Variants in SPATA16 observed in about 807,000 individuals in gnomAD.
SPATA16 encodes the protein spermatogenesis-associated protein 16.
A neutral mutation model predicts 63.3 loss-of-function variants in SPATA16; 36 were observed. The ratio of observed to expected loss-of-function variants is 0.57; its 90% CI spans 0.44 to 0.75. SPATA16 has a LOEUF of 0.75. SPATA16 is among the 30% of genes least tolerant of loss of function. The probability of loss-of-function intolerance (pLI) is 0.00; values close to 1 mark genes in which losing one functional copy is unlikely to be tolerated. For missense variants in SPATA16, 646 were observed against 679.3 expected (o/e 0.95, Z 0.54); for synonymous variants, 203 against 216.7 (o/e 0.94, Z 0.56).
chr3:173,080,172 C>T (rs577583740), intron 2 of SPATA16, among the ~76,000 whole-genome samples: 2 of 152,214 alleles, frequency 1.3e-5, no homozygotes, highest in African/African-American at 2.4e-5. Flanking sequence ...AGAACACACC[C>T]CTTGTATTTT....
chr3:172,935,703 G>C (rs1317867163), intron 6 of SPATA16, among the ~76,000 whole-genome samples: 1 of 152,160 alleles, frequency 6.6e-6, no homozygotes, highest in African/African-American at 2.4e-5. Flanking sequence ...TCAGTAAAAT[G>C]ATAGAGATAA....
At chr3:172,993,970 C>T (rs938242597) in intron 4 of SPATA16, among the ~76,000 whole-genome samples, 1 of 152,170 alleles carries the variant, frequency 6.6e-6, no homozygotes, top group Admixed American at 6.5e-5. Flanking sequence ...GTTAATAAGG[C>T]TTAGGGAAAT....
intron 1 of SPATA16, among the ~76,000 whole-genome samples, chr3:173,135,672 G>T (rs1048647107): frequency 6.6e-6 from 1 of 152,172 alleles, no homozygotes; most frequent in Non-Finnish European, 1.5e-5. Context: ...TGGAGTGAAA[G>T]AAGCCAGATA....
chr3:172,983,343 C>G (rs1229960577), intron 4 of SPATA16, among the ~76,000 whole-genome samples: 1 of 141,026 alleles, frequency 7.1e-6, no homozygotes, highest in Admixed American at 6.8e-5. Flanking sequence ...TTTTTTTTTG[C>G]CATGAGTCAG....
chr3:173,122,511 TA>T (rs1163998211), intron 1 of SPATA16, among the ~76,000 whole-genome samples: 69 of 145,976 alleles, frequency 4.7e-4, no homozygotes, highest in Admixed American at 7.5e-4. Context: ...TTTCTTTCTT[TA>T]AAAAAAAAAA....
At chr3:172,964,990 G>A (rs73043026) in intron 5 of SPATA16, among the ~76,000 whole-genome samples, 18 of 152,296 alleles carry the variant, frequency 1.2e-4, no homozygotes, top group African/African-American at 3.6e-4. Flanking sequence ...AGGTAGCAAC[G>A]TGTTCTCAGA....
At chr3:172,900,057 TC>T (rs200978815) in intron 10 of SPATA16, among the ~76,000 whole-genome samples, 14,299 of 152,206 alleles carry the variant, frequency 0.094, 743 homozygotes, top group African/African-American at 0.13. Context: ...TATTTCTAGG[TC>T]TTTCTTTTGA....
chr3:173,033,877 G>GT (rs1158094364), intron 3 of SPATA16, among the ~76,000 whole-genome samples: 1 of 151,908 alleles, frequency 6.6e-6, no homozygotes, highest in Admixed American at 6.6e-5. Flanking sequence ...GCTAATTTTT[G>GT]TATTTTTAGT....
intron 4 of SPATA16, among the ~76,000 whole-genome samples, chr3:173,013,713 C>A (rs182888464): frequency 2.3e-4 from 35 of 152,322 alleles, no homozygotes; most frequent in Admixed American, 2.1e-3. Flanking sequence ...CACTATGGCA[C>A]CCAGGTAGCT....
At chr3:173,025,527 G>A (rs772356906) in intron 3 of SPATA16, among the ~76,000 whole-genome samples, 9 of 151,594 alleles carry the variant, frequency 5.9e-5, no homozygotes, top group African/African-American at 9.7e-5. Flanking sequence ...GGTCTGTTTC[G>A]ACAAATACAT....
intron 6 of SPATA16, among the ~76,000 whole-genome samples, chr3:172,928,301 A>G (rs1732787512): frequency 1.3e-5 from 2 of 152,194 alleles, no homozygotes; most frequent in African/African-American, 2.4e-5. Flanking sequence ...TGTGATTTCT[A>G]CTTTTCAGTT....
chr3:173,137,850 C>T lies in SPATA16; in HGVS notation c.-19+3253G>A, dbSNP rs570540516. 4.0e-4 allele frequency among the ~76,000 whole-genome samples: 61 copies of T among 150,922 alleles called. 1 individual carries two copies. The highest frequency in any genetic ancestry group is 1.4e-3 in the African/African-American group (59 of 41,118). On this transcript the variant is annotated intron_variant, in intron 1 of 10. Coordinates refer to ENST00000351008, the MANE Select transcript of SPATA16 (RefSeq NM_031955.6). ...ACACACACACACACACACACACACA[C>T]ACACACACACACACACACACACAGA...
intron 4 of SPATA16, among the ~76,000 whole-genome samples, chr3:172,985,881 A>T (rs1295819996): frequency 6.6e-6 from 1 of 152,180 alleles, no homozygotes; most frequent in Non-Finnish European, 1.5e-5. Context: ...TTTCAGGCAG[A>T]TGAATTTAAA....
At chr3:173,073,915 C>T (rs761642301) in intron 2 of SPATA16, among the ~76,000 whole-genome samples, 1 of 152,186 alleles carries the variant, frequency 6.6e-6, no homozygotes, top group East Asian at 1.9e-4. Context: ...GCCACAGAGG[C>T]GGAGCTACCC....
chr3:173,044,790 C>G (rs560223738), intron 3 of SPATA16, among the ~76,000 whole-genome samples: 2 of 151,814 alleles, frequency 1.3e-5, no homozygotes, highest in East Asian at 3.9e-4. Context: ...GTTTTTTTCC[C>G]CCTGTGAGAG....
chr3:173,063,126 A>G (rs7631977), intron 2 of SPATA16, among the ~76,000 whole-genome samples: 1 of 152,220 alleles, frequency 6.6e-6, no homozygotes, highest in Non-Finnish European at 1.5e-5. Context: ...ATATTTGTCT[A>G]TATACCATCT....
chr3:172,926,867 G>A (rs1212186041), intron 6 of SPATA16, among the ~76,000 whole-genome samples: 2 of 152,202 alleles, frequency 1.3e-5, no homozygotes, highest in Admixed American at 6.5e-5. Flanking sequence ...AACGAAGGAT[G>A]ATGAACAGAG....
At chr3:172,897,356 A>T (rs763459657) in intron 10 of SPATA16, among the ~76,000 whole-genome samples, 1 of 152,236 alleles carries the variant, frequency 6.6e-6, no homozygotes, top group South Asian at 2.1e-4. Context: ...TACTGTAGCC[A>T]TATAAAAAGT....
intron 10 of SPATA16, among the ~76,000 whole-genome samples, chr3:172,905,338 C>T (rs945226010): frequency 6.6e-6 from 1 of 152,120 alleles, no homozygotes; most frequent in Non-Finnish European, 1.5e-5. Flanking sequence ...GACAGCAGTA[C>T]CCTCAGAAGT....
Sources: allele counts gnomAD v4.1 joint callset (sites outside exome capture counted in the v4.1 genomes callset), GRCh38; gene constraint gnomAD v4.1.1; transcripts MANE v1.5; gene names NCBI Gene and HGNC (gene_info 2026-07-23, HGNC 2026-07-21).